The following SPATA9 variants were observed in gnomAD, a reference collection of about 807,000 sequenced individuals.
SPATA9 encodes the protein spermatogenesis associated 9.
In SPATA9, 27 loss-of-function variants were observed where a neutral mutation model predicts 25.5. The observed-to-expected ratio is 1.06, with a 90% CI of 0.78 to 1.46. The LOEUF is 1.46. Among genes scored for constraint, SPATA9 ranks in the 40% most tolerant of loss-of-function variants. The probability of loss-of-function intolerance (pLI) is 0.00; values close to 1 mark genes in which losing one functional copy is unlikely to be tolerated. For synonymous variants in SPATA9, 102 were observed against 105.7 expected (o/e 0.97, Z 0.21); for missense variants, 282 against 297.5 (o/e 0.95, Z 0.38).
chr5:95,730,812 G>A, the SPATA9 span: 9 of 446,000 alleles, frequency 2.0e-5, no homozygotes, highest in South Asian at 9.5e-5. Flanking sequence ...GCAGCAGCAT[G>A]AATGTTGCCT....
At chr5:95,724,355 G>A in the SPATA9 span, among the ~76,000 whole-genome samples, 25 of 152,334 alleles carry the variant, frequency 1.6e-4, no homozygotes, top group African/African-American at 6.0e-4. Flanking sequence ...CTAATCAGAA[G>A]TGTAATACAT....
chr5:95,678,093 C>T (rs1049933408), intron 2 of SPATA9, among the ~76,000 whole-genome samples: 3 of 152,122 alleles, frequency 2.0e-5, no homozygotes, highest in Non-Finnish European at 2.9e-5. Context: ...AATTAACTTT[C>T]TGGCCAGGCA....
At chr5:95,705,976 G>A in the SPATA9 span, among the ~76,000 whole-genome samples, 10 of 152,186 alleles carry the variant, frequency 6.6e-5, no homozygotes, top group Admixed American at 6.5e-5. Context: ...GATGCTGGGA[G>A]GAGAAAGGGA....
the SPATA9 span, among the ~76,000 whole-genome samples, chr5:95,707,601 T>A: frequency 1.3e-5 from 2 of 152,098 alleles, no homozygotes; most frequent in Admixed American, 6.6e-5. Context: ...TATTACAAGG[T>A]GATAGACCCG....
At chr5:95,720,669 G>A in the SPATA9 span, among the ~76,000 whole-genome samples, 3 of 151,526 alleles carry the variant, frequency 2.0e-5, no homozygotes, top group East Asian at 1.9e-4. Flanking sequence ...TACATTATAC[G>A]TCACTGCTTC....
At chr5:95,730,568 T>C in the SPATA9 span, among the ~76,000 whole-genome samples, 1 of 152,230 alleles carries the variant, frequency 6.6e-6, no homozygotes, top group Non-Finnish European at 1.5e-5. Flanking sequence ...GGAGCTATTA[T>C]TAAATATGTG....
chr5:95,673,398 A>G (rs1208355207), intron 3 of SPATA9, among the ~76,000 whole-genome samples: 1 of 148,698 alleles, frequency 6.7e-6, no homozygotes, highest in African/African-American at 2.5e-5. Flanking sequence ...GTGTGTGTGC[A>G]TGTGCATATG....
chr5:95,663,874 T>A, intron 4 of SPATA9, 79 bp downstream of exon 4: 1 of 691,160 alleles, frequency 1.4e-6, no homozygotes, highest in Non-Finnish European at 2.3e-6. Context: ...TATTGTACAG[T>A]ATACTATTGC....
chr5:95,658,509 T>C lies in SPATA9; in HGVS notation c.*114A>G. 1 of 1,353,564 alleles carries C rather than the reference T, an allele frequency of 7.4e-7. No individual in the cohort carries two copies. The highest frequency in any genetic ancestry group is 9.7e-7 in the Non-Finnish European group (1 of 1,029,380). 83.8% of individuals were successfully genotyped at this position (1,353,564 alleles called of 1,614,324 possible). ...ACATTTTAATAGTAGCCCCCTTCTCTTTTTTTTAAGAAAGCAGAGCAATTC... is the reference window on the plus strand; with the variant it reads ...ACATTTTAATAGTAGCCCCCTTCTCCTTTTTTTAAGAAAGCAGAGCAATTC... On this transcript the variant is annotated 3_prime_UTR_variant, in exon 5 of 5. Transcript: ENST00000274432.
At chr5:95,730,142 G>A in the SPATA9 span, among the ~76,000 whole-genome samples, 1 of 151,466 alleles carries the variant, frequency 6.6e-6, no homozygotes, top group Non-Finnish European at 1.5e-5. Context: ...CTCTGAGCAC[G>A]AGAAACTATT....
the SPATA9 span, among the ~76,000 whole-genome samples, chr5:95,718,232 T>C: frequency 6.6e-6 from 1 of 152,170 alleles, no homozygotes; most frequent in East Asian, 1.9e-4. Flanking sequence ...GACTTGCATA[T>C]GTTTAAATGC....
At chr5:95,653,131 C>T (rs1561386648) in exon 9 of SPATA9, 6 of 1,551,704 alleles carry the variant, frequency 3.9e-6, no homozygotes, top group Non-Finnish European at 5.2e-6. Context: ...GAATTCTCTT[C>T]CCCAAGCTGT....
upstream of SPATA9, among the ~76,000 whole-genome samples, chr5:95,702,143 C>G (rs553085146): frequency 3.9e-5 from 6 of 152,032 alleles, no homozygotes; most frequent in South Asian, 2.1e-4. Context: ...AACCAAAAAG[C>G]CTTCTCACTA....
chr5:95,693,549 CAT>C (rs1165329240), intron 1 of SPATA9, among the ~76,000 whole-genome samples: 1 of 152,172 alleles, frequency 6.6e-6, no homozygotes, highest in Non-Finnish European at 1.5e-5. Context: ...GAAGTACACA[CAT>C]ATGTTGTAAA....
chr5:95,656,006 T>G, downstream of SPATA9: 2 of 1,590,094 alleles, frequency 1.3e-6, no homozygotes, highest in Non-Finnish European at 1.7e-6. Context: ...CAAGAACATT[T>G]GACATGTCAG....
intron 3 of SPATA9, among the ~76,000 whole-genome samples, chr5:95,672,035 G>C (rs896917784): frequency 1.3e-5 from 2 of 151,936 alleles, no homozygotes; most frequent in African/African-American, 4.8e-5. Context: ...AACAAAAAGG[G>C]AACTAAAAGC....
chr5:95,656,118 C>G, downstream of SPATA9: 1 of 1,613,662 alleles, frequency 6.2e-7, no homozygotes, highest in Non-Finnish European at 8.5e-7. Context: ...AGGAGAAGGT[C>G]TGTACCAGTC....
downstream of SPATA9, chr5:95,656,554 T>A: frequency 3.0e-6 from 1 of 332,324 alleles, no homozygotes; most frequent in Non-Finnish European, 5.4e-6. Context: ...AGGTTTGGGA[T>A]GTTCTGTTTA....
chr5:95,686,434 C>T (rs1352064271), upstream of SPATA9, among the ~76,000 whole-genome samples: 1 of 151,430 alleles, frequency 6.6e-6, no homozygotes, highest in Non-Finnish European at 1.5e-5. Flanking sequence ...CCCAAAACCT[C>T]CAAGTTAAAA....
Sources: gnomAD v4.1 joint callset for allele counts (sites outside exome capture counted in the v4.1 genomes callset) on GRCh38, gnomAD v4.1.1 for gene constraint, MANE v1.5 for transcripts, NCBI Gene and HGNC (gene_info 2026-07-23, HGNC 2026-07-21) for gene names.